The following SPATA1 variants were observed in gnomAD, a reference collection of about 807,000 sequenced individuals.
SPATA1 encodes spermatogenesis associated 1.
SPATA1 carries 57 observed loss-of-function variants against 59.6 expected under a neutral mutation model. That is an observed-to-expected ratio of 0.96 (90% CI 0.77 to 1.19). The LOEUF (loss-of-function observed/expected upper bound fraction) is 1.19, where lower values mean the gene tolerates loss of function less well. Ranked by LOEUF, SPATA1 falls within the 50% of genes most tolerant of loss-of-function variation. The pLI is 0.00. For missense variants in SPATA1, 448 were observed against 480.7 expected, an observed-to-expected ratio of 0.93 and a Z score of 0.64; for synonymous variants, 147 against 163.9, an observed-to-expected ratio of 0.90 and a Z score of 0.79.
chr1:84,536,921 C>G (rs1213343774), intron 8 of SPATA1, among the ~76,000 whole-genome samples: 5 of 141,706 alleles, frequency 3.5e-5, no homozygotes, highest in Non-Finnish European at 7.5e-5. Flanking sequence ...ACTCTGTTGC[C>G]TAGGCTAGAG....
At chr1:84,552,791 T>C (rs529310391) in intron 12 of SPATA1, 7 of 325,510 alleles carry the variant, frequency 2.2e-5, no homozygotes, top group Non-Finnish European at 3.9e-5. Flanking sequence ...TCAATTGTAT[T>C]GTCCCTATCT....
chr1:84,566,910 G>A (rs1247344729), downstream of SPATA1, among the ~76,000 whole-genome samples: 8 of 152,196 alleles, frequency 5.3e-5, no homozygotes, highest in Non-Finnish European at 8.8e-5. Flanking sequence ...GCTTACAGGC[G>A]TGAGCCACCA....
chr1:84,513,373 G>C (rs1315455969), intron 1 of SPATA1, among the ~76,000 whole-genome samples: 1 of 152,202 alleles, frequency 6.6e-6, no homozygotes, highest in African/African-American at 2.4e-5. Flanking sequence ...GACCACAGGT[G>C]ATCTGCCTGC....
At chr1:84,562,426 A>T (rs1403691376) in intron 4 of SPATA1, among the ~76,000 whole-genome samples, 2 of 152,246 alleles carry the variant, frequency 1.3e-5, no homozygotes, top group Non-Finnish European at 2.9e-5. Flanking sequence ...TATATCAATT[A>T]TAATTTATGA....
chr1:84,560,097 A>AAAGAAAG lies in SPATA1; in HGVS notation n.442+4120_442+4121insGAAAGAA, dbSNP rs1464905030. On this transcript the variant is annotated intron_variant and non_coding_transcript_variant, in intron 4 of 4. Transcript: ENST00000460286. ...AGACTCTGTCTCAAAAAAAAAAAAAAAAAGAAAGAAAGAAAGAAAGAAAGA... is the reference window on the plus strand; with the variant it reads ...AGACTCTGTCTCAAAAAAAAAAAAAAAAGAAAGAAAGAAAGAAAGAAAGAAAGAAAGA... Among the ~76,000 whole-genome samples the AAAGAAAG allele has an allele frequency of 6.1e-5, 7 of 114,718 alleles. No homozygotes were observed. In the East Asian group the frequency reaches 1.0e-3, roughly 16 times the overall value. 75.3% of individuals were successfully genotyped at this position (114,718 alleles called of 152,430 possible). A position where few individuals can be genotyped will look rare whatever the true frequency, so the allele number is the denominator to read the frequency against.
chr1:84,553,143 T>C (rs757965995), exon 13 of SPATA1: 9 of 1,359,096 alleles, frequency 6.6e-6, no homozygotes, highest in African/African-American at 3.0e-5. Context: ...ATTTAAAACT[T>C]TTATTTGTAA....
chr1:84,525,031 C>G (rs1174147633), intron 4 of SPATA1, among the ~76,000 whole-genome samples: 1 of 152,148 alleles, frequency 6.6e-6, no homozygotes, highest in African/African-American at 2.4e-5. Flanking sequence ...GGCTGGAGTG[C>G]AGTGGTGCAC....
At chr1:84,510,849 A>G (rs1682506652) in intron 1 of SPATA1, among the ~76,000 whole-genome samples, 1 of 152,224 alleles carries the variant, frequency 6.6e-6, no homozygotes, top group African/African-American at 2.4e-5. Context: ...GAATGAGATC[A>G]TCTCATTTGC....
intron 4 of SPATA1, among the ~76,000 whole-genome samples, chr1:84,565,075 G>T (rs1256236213): frequency 6.6e-6 from 1 of 151,908 alleles, no homozygotes; most frequent in Non-Finnish European, 1.5e-5. Context: ...GCTGGGCATG[G>T]TGGCATGCAC....
At chr1:84,537,273 T>A (rs1044677849) in intron 8 of SPATA1, among the ~76,000 whole-genome samples, 6 of 152,168 alleles carry the variant, frequency 3.9e-5, no homozygotes, top group Non-Finnish European at 8.8e-5. Context: ...ATCATAAGGA[T>A]GTATGATTAA....
chr1:84,533,595 G>A (rs1683558076), intron 7 of SPATA1, 114 bp from the exon 8 acceptor site: 2 of 843,684 alleles, frequency 2.4e-6, no homozygotes, highest in Non-Finnish European at 3.8e-6. Flanking sequence ...GGCTGACTTT[G>A]AAAATTTTCA....
At chr1:84,518,938 T>C (rs557896796) in intron 2 of SPATA1, among the ~76,000 whole-genome samples, 1 of 152,194 alleles carries the variant, frequency 6.6e-6, no homozygotes, top group South Asian at 2.1e-4. Context: ...ATTAGTGTTT[T>C]ATGTTTATTG....
intron 8 of SPATA1, 48 bp from the exon 9 acceptor site, chr1:84,544,154 G>C (rs17111225): frequency 8.1e-7 from 1 of 1,238,094 alleles, no homozygotes; most frequent in Non-Finnish European, 1.2e-6. Context: ...AGTGAAAAAA[G>C]AATGTGACAG....
At chr1:84,528,908 G>GGT (rs1314229581) in intron 6 of SPATA1, among the ~76,000 whole-genome samples, 2 of 152,018 alleles carry the variant, frequency 1.3e-5, no homozygotes, top group African/African-American at 4.8e-5. Flanking sequence ...TAAAGAGTGA[G>GGT]GTAGTATAGA....
rs1013468079 is a variant in SPATA1 at position 84,516,117 on chromosome 1, A to G, written c.-137-106A>G. On this transcript the variant is annotated intron_variant, in intron 1 of 12. Coordinates refer to ENST00000490879, the Ensembl canonical transcript of SPATA1. ...TTACACAGTCCTATTTACTAGTAAT[A>G]TGTCCTTTTGAGTTAGAATAATAAA... The G allele has an allele frequency of 5.7e-5, 23 of 400,094 alleles. 1 individual carries two copies. In the Admixed American group the frequency reaches 1.1e-3, roughly 19 times the overall value. 24.8% of individuals were successfully genotyped at this position (400,094 alleles called of 1,614,324 possible).
chr1:84,548,707 G>A (rs1401723454), intron 10 of SPATA1, 79 bp from the exon 11 acceptor site: 4 of 1,338,676 alleles, frequency 3.0e-6, no homozygotes, highest in Non-Finnish European at 3.8e-6. Context: ...ATCCTTTCCA[G>A]GATGAAAAGT....
intron 10 of SPATA1, 142 bp downstream of exon 10, chr1:84,545,901 T>C (rs17374753): frequency 0.064 from 34,619 of 539,096 alleles, 1,396 homozygotes; most frequent in Non-Finnish European, 0.076. Flanking sequence ...TTAAGTTCAA[T>C]ATAGAAAACA....
chr1:84,522,539 G>T (rs2101941571), intron 4 of SPATA1, 32 bp downstream of exon 4: 1 of 1,183,392 alleles, frequency 8.5e-7, no homozygotes, highest in South Asian at 1.6e-5. Context: ...TTCTGATTGA[G>T]AAAGACCATA....
intron 4 of SPATA1, 137 bp from the exon 5 acceptor site, chr1:84,525,559 T>G (rs533839898): frequency 1.5e-6 from 1 of 647,240 alleles, no homozygotes; most frequent in African/African-American, 1.8e-5. Flanking sequence ...TCTACATTTC[T>G]AGAATCTAGC....
Sources: allele counts gnomAD v4.1 joint callset (sites outside exome capture counted in the v4.1 genomes callset), GRCh38; gene constraint gnomAD v4.1.1; transcripts MANE v1.5; gene names NCBI Gene and HGNC (gene_info 2026-07-23, HGNC 2026-07-21).